The following XRCC2 variants were observed in gnomAD, a reference collection of about 807,000 sequenced individuals.
XRCC2 encodes the protein X-ray repair cross complementing 2.
In XRCC2, 24 loss-of-function variants were observed where a neutral mutation model predicts 27.3. That is an observed-to-expected ratio of 0.88 (90% CI 0.64 to 1.24). The LOEUF (loss-of-function observed/expected upper bound fraction) is 1.24, where lower values mean the gene tolerates loss of function less well. XRCC2 is among the 50% of genes most tolerant of loss of function. The pLI is 0.00. For missense variants in XRCC2, 321 were observed against 325.8 expected (o/e 0.99, Z 0.11); for synonymous variants, 106 against 115.4 (o/e 0.92, Z 0.52).
At position 152,659,463 on chromosome 7, in the gene XRCC2, G is replaced by A. The variant is rs138877610; in HGVS notation, c.121+1238C>T. Among the ~76,000 whole-genome samples, 25 of 152,232 alleles carry A rather than the reference G, an allele frequency of 1.6e-4. No individual in the cohort carries two copies. The East Asian group carries it at 2.7e-3, about 16-fold the overall frequency. ...TGGGATTACAGGTGTGAGCCACTGC[G>A]CTCGGCTATAACCTGATTTTTTAAA... is the stretch of plus-strand genomic sequence containing the variant. On this transcript the variant is annotated intron_variant, in intron 2 of 2. Coordinates refer to ENST00000359321, the MANE Select transcript of XRCC2 (RefSeq NM_005431.2).
chr7:152,658,341 G>C (rs1043847392), intron 2 of XRCC2, among the ~76,000 whole-genome samples: 1 of 151,922 alleles, frequency 6.6e-6, no homozygotes, highest in South Asian at 2.1e-4. Flanking sequence ...TAGTAGAGAC[G>C]GGGTTTCACC....
chr7:152,650,016 G>A (rs988737163), intron 2 of XRCC2, among the ~76,000 whole-genome samples: 4 of 152,160 alleles, frequency 2.6e-5, no homozygotes, highest in African/African-American at 9.7e-5. Context: ...CACCAGCCAC[G>A]CACAGCCTGC....
At chr7:152,667,083 C>A (rs2098036074) in intron 1 of XRCC2, among the ~76,000 whole-genome samples, 1 of 152,050 alleles carries the variant, frequency 6.6e-6, no homozygotes, top group South Asian at 2.1e-4. Context: ...AATCCTCACC[C>A]CTGAGAAATC....
At chr7:152,658,630 C>A (rs556733158) in intron 2 of XRCC2, among the ~76,000 whole-genome samples, 1 of 152,344 alleles carries the variant, frequency 6.6e-6, no homozygotes, top group Non-Finnish European at 1.5e-5. Context: ...ATTTTACTTT[C>A]TTTTCTGTGA....
intron 1 of XRCC2, among the ~76,000 whole-genome samples, chr7:152,663,346 TAA>T (rs530664762): frequency 0.035 from 2,800 of 80,778 alleles, 119 homozygotes; most frequent in Admixed American, 0.09. Context: ...GTCTTTGAAG[TAA>T]AAAAAAAAAA....
intron 2 of XRCC2, among the ~76,000 whole-genome samples, chr7:152,658,167 C>T (rs1377495913): frequency 6.7e-6 from 1 of 149,704 alleles, no homozygotes; most frequent in African/African-American, 2.5e-5. Context: ...TTTTTTGAGG[C>T]GGAGTCTCAC....
At position 152,668,616 on chromosome 7, in the gene XRCC2, G is replaced by A. The variant is rs869312658; in HGVS notation, c.39+7425C>T. Among the ~76,000 whole-genome samples, 5 of 152,180 alleles carry A rather than the reference G, an allele frequency of 3.3e-5. No individual in the cohort carries two copies. The highest frequency in any genetic ancestry group is 3.3e-4 in the Admixed American group (5 of 15,252). ...GGGAAGACTAATACATCAGGCATCAGAGCTTGGTGATGATAGCCATTATGA... is the reference window on the plus strand; with the variant it reads ...GGGAAGACTAATACATCAGGCATCAAAGCTTGGTGATGATAGCCATTATGA... On this transcript the variant is annotated intron_variant, in intron 1 of 2. Transcript: ENST00000359321.
intron 2 of XRCC2, among the ~76,000 whole-genome samples, chr7:152,655,245 C>CG (rs2098030240): frequency 2.6e-5 from 4 of 152,088 alleles, no homozygotes; most frequent in Admixed American, 2.6e-4. Flanking sequence ...ATCTAAAGAT[C>CG]CTTCAAAATA....
At chr7:152,660,867 T>C in intron 1 of XRCC2, 85 bp from the exon 2 acceptor site, 2 of 1,223,336 alleles carry the variant, frequency 1.6e-6, no homozygotes, top group Admixed American at 2.2e-5. Context: ...TCCGAAAGTC[T>C]GTAAGATTTC....
rs1459159976 is a variant in XRCC2 at position 152,649,511 on chromosome 7, C to A, written c.122-148G>T. On this transcript the variant is annotated intron_variant, in intron 2 of 2. Coordinates refer to ENST00000359321, the MANE Select transcript of XRCC2 (RefSeq NM_005431.2). ...TTTTGCCAAAATGGAGCTGTACAAG[C>A]AAATACAATAAATAAGGAAATTAGA... 6 of 994,332 alleles carry A rather than the reference C, an allele frequency of 6.0e-6. No individual in the cohort carries two copies. The Admixed American group carries it at 2.0e-4, about 33-fold the overall frequency. 61.6% of individuals were successfully genotyped at this position (994,332 alleles called of 1,614,324 possible).
chr7:152,672,729 A>C (rs2098038657), intron 1 of XRCC2, among the ~76,000 whole-genome samples: 1 of 152,152 alleles, frequency 6.6e-6, no homozygotes, highest in Non-Finnish European at 1.5e-5. Flanking sequence ...CCTACTTTTC[A>C]CTTCAGTGCT....
intron 2 of XRCC2, among the ~76,000 whole-genome samples, chr7:152,659,918 T>A (rs2098032330): frequency 6.6e-6 from 1 of 152,062 alleles, no homozygotes; most frequent in African/African-American, 2.4e-5. Context: ...AACAAATGGA[T>A]AAGCAACATG....
intron 1 of XRCC2, among the ~76,000 whole-genome samples, chr7:152,674,747 T>TTAAATATATATTATATATAATATATA (rs1563035369): frequency 3.4e-5 from 2 of 58,134 alleles, no homozygotes; most frequent in Non-Finnish European, 1.1e-4. Flanking sequence ...ATAAATATAT[T>TTAAATATATATTATATATAATATATA]TTTAAATATA....
intron 1 of XRCC2, among the ~76,000 whole-genome samples, chr7:152,662,999 AAATGTTG>A (rs1168037631): frequency 6.6e-6 from 1 of 152,122 alleles, no homozygotes; most frequent in Non-Finnish European, 1.5e-5. Context: ...GTGCTAGGTA[AAATGTTG>A]ACTACAAAGA....
Position 152,648,059 on chromosome 7 carries a change from C to T in XRCC2, c.*583G>A, listed in dbSNP as rs1379568725. The T allele has an allele frequency of 6.6e-6, 1 of 152,144 alleles. No individual in the cohort carries two copies. Among genetic ancestry groups the T allele is most frequent in the Admixed American group, 6.6e-5 (1 of 15,254 alleles). The allele number at this position is 152,144 out of a possible 1,614,324, so 9.4% of individuals were successfully genotyped here. ...CAGCCTAGAAACAGAATAGTCTTTA[C>T]TTTTACTGTGCTAGTTTAACAAATC... On this transcript the variant is annotated 3_prime_UTR_variant, in exon 3 of 3. Coordinates refer to ENST00000359321, the MANE Select transcript of XRCC2 (RefSeq NM_005431.2).
In XRCC2 at chr7:152,647,222, C is replaced by G. The variant is rs764108356; in HGVS notation, c.*1420G>C. The stretch of plus-strand genomic sequence containing the variant: ...TGTCTTCTTTTGAAAAGTGTCTGTT[C>G]ATGTCCTTTGCCCACTTTTTAATGG... On this transcript the variant is annotated 3_prime_UTR_variant, in exon 3 of 3. Transcript: ENST00000359321. 1 of 152,166 alleles carries G rather than the reference C, an allele frequency of 6.6e-6. No individual in the cohort carries two copies. Among genetic ancestry groups the G allele is most frequent in the Admixed American group, 6.5e-5 (1 of 15,272 alleles). 9.4% of individuals were successfully genotyped at this position (152,166 alleles called of 1,614,324 possible).
chr7:152,655,285 A>G (rs932437784), intron 2 of XRCC2, among the ~76,000 whole-genome samples: 3 of 152,234 alleles, frequency 2.0e-5, no homozygotes, highest in African/African-American at 7.2e-5. Flanking sequence ...CAAAAAAGCT[A>G]TCATCTTGGT....
intron 1 of XRCC2, among the ~76,000 whole-genome samples, chr7:152,671,186 G>A (rs2117009565): frequency 6.6e-6 from 1 of 152,262 alleles, no homozygotes; most frequent in Non-Finnish European, 1.5e-5. Context: ...CTGCACTCCA[G>A]CCTGGGCGAC....
chr7:152,669,936 T>TAA (rs78706535), intron 1 of XRCC2, among the ~76,000 whole-genome samples: 8,741 of 133,824 alleles, frequency 0.065, 505 homozygotes, highest in Admixed American at 0.2. Context: ...CAAAAGGCTG[T>TAA]AAAAAAAAAA....
Sources: allele counts gnomAD v4.1 joint callset (sites outside exome capture counted in the v4.1 genomes callset), GRCh38; gene constraint gnomAD v4.1.1; transcripts MANE v1.5; gene names NCBI Gene and HGNC (gene_info 2026-07-23, HGNC 2026-07-21).